The following WASF1 variants were observed in gnomAD, a reference collection of about 807,000 sequenced individuals.
WASF1 encodes the protein actin-binding protein WASF1.
Under a neutral mutation model 50.5 loss-of-function variants are expected in WASF1, and 7 were observed. The ratio of observed to expected loss-of-function variants is 0.14; its 90% CI spans 0.08 to 0.26. The LOEUF is 0.26. Ranked by LOEUF, WASF1 falls within the 10% of genes least tolerant of loss-of-function variation. WASF1 has a pLI of 1.00. For synonymous variants in WASF1, 205 were observed against 244.0 expected (o/e 0.84, Z 1.49); for missense variants, 470 against 694.7 (o/e 0.68, Z 3.64).
At chr6:110,151,746 T>A (rs1343706996) in intron 3 of WASF1, among the ~76,000 whole-genome samples, 2 of 152,194 alleles carry the variant, frequency 1.3e-5, no homozygotes, top group East Asian at 3.9e-4. Flanking sequence ...AACTTTCTAC[T>A]GTTTCTTAAC....
intron 3 of WASF1, among the ~76,000 whole-genome samples, chr6:110,141,458 C>A (rs1775231000): frequency 6.6e-6 from 1 of 152,134 alleles, no homozygotes; most frequent in Non-Finnish European, 1.5e-5. Flanking sequence ...CTAACTGAAT[C>A]CCCCAGGCAG....
intron 3 of WASF1, among the ~76,000 whole-genome samples, chr6:110,154,645 T>C (rs1244233746): frequency 2.0e-5 from 3 of 152,112 alleles, no homozygotes; most frequent in African/African-American, 7.2e-5. Context: ...ACTTTTCTGT[T>C]GATTAATAAA....
At chr6:110,110,445 T>C (rs1185078156) in intron 5 of WASF1, among the ~76,000 whole-genome samples, 1 of 152,222 alleles carries the variant, frequency 6.6e-6, no homozygotes, top group Non-Finnish European at 1.5e-5. Flanking sequence ...TCAATAAGTA[T>C]GTAATTAAGA....
chr6:110,170,601 T>C (rs1776666849), intron 2 of WASF1, among the ~76,000 whole-genome samples: 1 of 151,958 alleles, frequency 6.6e-6, no homozygotes, highest in Admixed American at 6.6e-5. Flanking sequence ...TTAATACAAT[T>C]ATGTCAATAA....
chr6:110,145,465 T>C (rs187442532), intron 3 of WASF1, among the ~76,000 whole-genome samples: 1 of 152,330 alleles, frequency 6.6e-6, no homozygotes, highest in East Asian at 1.9e-4. Flanking sequence ...TTCTCCTGCC[T>C]GATTGCCCTG....
rs75772333 is a variant in WASF1 at position 110,132,110 on chromosome 6, A to T, written c.-28-4481T>A. ...AGTTTTCTAAAGAGAAGTCTTATAC[A>T]TCATTATTTATTTGTATGTAGATGT... On this transcript the variant is annotated intron_variant, in intron 3 of 10. Coordinates refer to ENST00000392589, the MANE Select transcript of WASF1 (RefSeq NM_003931.3). 3.0e-3 allele frequency among the ~76,000 whole-genome samples: 450 copies of T among 152,254 alleles called. 2 individuals are homozygous for T. The highest frequency in any genetic ancestry group is 0.019 in the East Asian group (98 of 5,174).
intron 3 of WASF1, among the ~76,000 whole-genome samples, chr6:110,143,440 G>C (rs1775355855): frequency 6.6e-6 from 1 of 151,728 alleles, no homozygotes. Context: ...ATATGTATGA[G>C]TATAAGCAAT....
At chr6:110,139,850 G>A (rs1364994283) in intron 3 of WASF1, among the ~76,000 whole-genome samples, 1 of 151,678 alleles carries the variant, frequency 6.6e-6, no homozygotes, top group African/African-American at 2.4e-5. Context: ...ACAGTAAGAG[G>A]ATAACCCAAT....
At chr6:110,128,662 A>C (rs1405041216) in intron 3 of WASF1, among the ~76,000 whole-genome samples, 1 of 152,234 alleles carries the variant, frequency 6.6e-6, no homozygotes, top group Non-Finnish European at 1.5e-5. Context: ...CAGCATATTA[A>C]CTGTGAGTAA....
chr6:110,135,842 G>A (rs1419849393), intron 3 of WASF1, among the ~76,000 whole-genome samples: 1 of 106,970 alleles, frequency 9.3e-6, no homozygotes, highest in Non-Finnish European at 1.9e-5. Flanking sequence ...TTAGTTTTTT[G>A]CATTTACATC....
chr6:110,135,509 GT>G (rs1280506473), intron 3 of WASF1, among the ~76,000 whole-genome samples: 4 of 151,904 alleles, frequency 2.6e-5, no homozygotes, highest in Non-Finnish European at 4.4e-5. Flanking sequence ...TGACTGTGGG[GT>G]TTTTTTGTTG....
At chr6:110,112,100 C>T (rs1209893341) in intron 5 of WASF1, among the ~76,000 whole-genome samples, 1 of 151,072 alleles carries the variant, frequency 6.6e-6, no homozygotes, top group Admixed American at 6.6e-5. Flanking sequence ...TAGCTGGTTC[C>T]ATCACTAAGA....
At chr6:110,177,582 C>A (rs933410831) in intron 2 of WASF1, among the ~76,000 whole-genome samples, 1 of 152,060 alleles carries the variant, frequency 6.6e-6, no homozygotes, top group Admixed American at 6.6e-5. Context: ...ATGCACACTA[C>A]CTACTAAATA....
chr6:110,171,802 T>A (rs963095291), intron 2 of WASF1, among the ~76,000 whole-genome samples: 2 of 151,482 alleles, frequency 1.3e-5, no homozygotes, highest in East Asian at 3.9e-4. Flanking sequence ...GGGCTAATAT[T>A]CAGAATCTAC....
At chr6:110,122,954 G>GA (rs1339680543) in intron 4 of WASF1, among the ~76,000 whole-genome samples, 4 of 150,588 alleles carry the variant, frequency 2.7e-5, no homozygotes, top group Non-Finnish European at 5.9e-5. Context: ...TGACAAAGTG[G>GA]GGAAAAAAAA....
chr6:110,100,888 A>G (rs1469854850), intron 10 of WASF1, among the ~76,000 whole-genome samples: 1 of 152,216 alleles, frequency 6.6e-6, no homozygotes, highest in African/African-American at 2.4e-5. Context: ...CAGATATCCC[A>G]GTAGGTATCT....
chr6:110,106,344 G>A (rs931416662), intron 7 of WASF1, among the ~76,000 whole-genome samples: 2 of 152,208 alleles, frequency 1.3e-5, no homozygotes, highest in African/African-American at 4.8e-5. Context: ...ATTTGCAAAT[G>A]TTAGCTAGAA....
chr6:110,130,075 T>C (rs375660500), intron 3 of WASF1, among the ~76,000 whole-genome samples: 1 of 152,244 alleles, frequency 6.6e-6, no homozygotes, highest in East Asian at 1.9e-4. Context: ...AAGTTTGGGA[T>C]AAACCTAATT....
At chr6:110,139,496 C>T (rs1583984441) in intron 3 of WASF1, among the ~76,000 whole-genome samples, 1 of 152,246 alleles carries the variant, frequency 6.6e-6, no homozygotes, top group Non-Finnish European at 1.5e-5. Context: ...AGAGCACTGA[C>T]CCCATTTCTC....
Sources: allele counts gnomAD v4.1 joint callset (sites outside exome capture counted in the v4.1 genomes callset), GRCh38; gene constraint gnomAD v4.1.1; transcripts MANE v1.5; gene names NCBI Gene and HGNC (gene_info 2026-07-23, HGNC 2026-07-21).